ARL15: variants seen among roughly 807,000 people sequenced by gnomAD.
ARL15 encodes ARF like GTPase 15.
In ARL15, 19 loss-of-function variants were observed where a neutral mutation model predicts 25.2. That is an observed-to-expected ratio of 0.75 (90% CI 0.53 to 1.10). The LOEUF (loss-of-function observed/expected upper bound fraction) is 1.10, where lower values mean the gene tolerates loss of function less well. Ranked by LOEUF, ARL15 falls within the 50% of genes least tolerant of loss-of-function variation. The probability of loss-of-function intolerance (pLI) is 0.00; values close to 1 mark genes in which losing one functional copy is unlikely to be tolerated. For missense variants in ARL15, 220 were observed against 246.0 expected, an observed-to-expected ratio of 0.89 and a Z score of 0.71; for synonymous variants, 94 against 86.8, an observed-to-expected ratio of 1.08 and a Z score of -0.46.
In ARL15 at chr5:54,113,309, C is replaced by A; in HGVS notation, c.355G>T (p.Ala119Ser). ...AGAGCTGAGTGCAGCTCATTTCTAG[C>A]AGCTTCTAAATCATCCTCTGAAGAG... is the stretch of plus-strand genomic sequence containing the variant. ...SASSEDDLEA[A>S]RNELHSALQH... The change falls in exon 4 of 5, where the codon GCT becomes TCT. Residue 119 changes from alanine to serine, a missense_variant. Transcript: ENST00000504924. 1.2e-6 allele frequency: 2 copies of A among 1,613,948 alleles called. No homozygotes were observed. Among genetic ancestry groups the A allele is most frequent in the South Asian group, 1.1e-5 (1 of 91,086 alleles).
At chr5:54,276,385 A>G (rs147309655) in intron 1 of ARL15, among the ~76,000 whole-genome samples, 34 of 152,360 alleles carry the variant, frequency 2.2e-4, no homozygotes, top group African/African-American at 8.2e-4. Flanking sequence ...TGCTAGAACC[A>G]GTATTTGCAG....
At chr5:53,933,373 G>A (rs1172526580) in intron 4 of ARL15, among the ~76,000 whole-genome samples, 1 of 152,098 alleles carries the variant, frequency 6.6e-6, no homozygotes, top group Non-Finnish European at 1.5e-5. Context: ...AAGGCCGGGC[G>A]CGGTGGCTCA....
At chr5:54,041,743 A>C (rs1750347962) in intron 4 of ARL15, among the ~76,000 whole-genome samples, 1 of 152,242 alleles carries the variant, frequency 6.6e-6, no homozygotes, top group Non-Finnish European at 1.5e-5. Flanking sequence ...GTTGGAATTG[A>C]AAGCATCCAT....
At chr5:54,231,193 T>C (rs1756661561) in intron 1 of ARL15, among the ~76,000 whole-genome samples, 1 of 152,234 alleles carries the variant, frequency 6.6e-6, no homozygotes, top group Non-Finnish European at 1.5e-5. Context: ...GCTGCTCTGC[T>C]GTTCTCTAGT....
chr5:53,942,742 T>C (rs1314016798), intron 4 of ARL15, among the ~76,000 whole-genome samples: 1 of 152,054 alleles, frequency 6.6e-6, no homozygotes, highest in African/African-American at 2.4e-5. Context: ...CGAGACTCCA[T>C]CTCAAACAAA....
intron 1 of ARL15, among the ~76,000 whole-genome samples, chr5:54,249,250 A>G (rs1020941007): frequency 1.3e-5 from 2 of 152,188 alleles, no homozygotes; most frequent in Admixed American, 6.5e-5. Flanking sequence ...CTGAGGTAGT[A>G]GAGTCCAACT....
chr5:54,188,540 T>C (rs1755302489), intron 1 of ARL15, among the ~76,000 whole-genome samples: 1 of 125,456 alleles, frequency 8.0e-6, no homozygotes, highest in African/African-American at 3.1e-5. Flanking sequence ...TCAAGGGAAT[T>C]AGACATGGAC....
At chr5:53,939,729 G>A (rs1188585602) in intron 4 of ARL15, among the ~76,000 whole-genome samples, 3 of 150,992 alleles carry the variant, frequency 2.0e-5, no homozygotes, top group Non-Finnish European at 4.4e-5. Context: ...GCGAGACTCC[G>A]TCTCAAAAAA....
At chr5:54,140,757 T>A (rs1753753459) in intron 3 of ARL15, among the ~76,000 whole-genome samples, 1 of 152,198 alleles carries the variant, frequency 6.6e-6, no homozygotes, top group Non-Finnish European at 1.5e-5. Context: ...ACCAAAGATA[T>A]GGTCTGGATA....
At chr5:54,233,315 T>C (rs1306374300) in intron 1 of ARL15, among the ~76,000 whole-genome samples, 1 of 152,226 alleles carries the variant, frequency 6.6e-6, no homozygotes, top group Non-Finnish European at 1.5e-5. Context: ...AGGCAAACTA[T>C]AATTATTCGA....
chr5:54,065,601 G>C (rs1751204456), intron 4 of ARL15, among the ~76,000 whole-genome samples: 1 of 102,802 alleles, frequency 9.7e-6, no homozygotes, highest in South Asian at 2.9e-4. Flanking sequence ...AGGAGGTGGG[G>C]TGGTTGCAGT....
intron 1 of ARL15, among the ~76,000 whole-genome samples, chr5:54,275,755 G>T (rs1757912205): frequency 6.6e-6 from 1 of 151,544 alleles, no homozygotes; most frequent in East Asian, 1.9e-4. Flanking sequence ...TGCAATCTCG[G>T]CTTACTGCAA....
chr5:54,000,041 C>T (rs1470821732), intron 4 of ARL15, among the ~76,000 whole-genome samples: 1 of 152,140 alleles, frequency 6.6e-6, no homozygotes, highest in Non-Finnish European at 1.5e-5. Flanking sequence ...CAGTTTCACT[C>T]ATATCTATAT....
Position 54,113,370 on chromosome 5 carries a change from T to G in ARL15, c.294A>C (p.Gln98His), listed in dbSNP as rs1467640062. The change falls in exon 4 of 5, where the codon CAA becomes CAC. Residue 98 changes from glutamine (Q) to histidine (H), a missense_variant. Coordinates refer to ENST00000504924, the MANE Select transcript of ARL15 (RefSeq NM_019087.3). ...NIRKYWSRYY[Q>H]GSQGVIFVLD... ...ATACAAATATTACCCCTTGAGATCCTTGGTAGTAGCGGCTCCAGTATTTCC... is the reference window on the plus strand; with the variant it reads ...ATACAAATATTACCCCTTGAGATCCGTGGTAGTAGCGGCTCCAGTATTTCC... The G allele has an allele frequency of 6.2e-7, 1 of 1,613,968 alleles. No individual in the cohort carries two copies. The highest frequency in any genetic ancestry group is 1.1e-5 in the South Asian group (1 of 91,082).
chr5:54,150,657 G>A (rs754069799), intron 3 of ARL15, among the ~76,000 whole-genome samples: 16 of 151,974 alleles, frequency 1.1e-4, no homozygotes, highest in African/African-American at 1.7e-4. Context: ...AATTAGCGAC[G>A]TGCGGTGGCT....
chr5:54,003,137 C>T (rs1019294699), intron 4 of ARL15, among the ~76,000 whole-genome samples: 2 of 152,064 alleles, frequency 1.3e-5, no homozygotes, highest in African/African-American at 4.8e-5. Flanking sequence ...CAAATGGGCT[C>T]CCAGGGTAAC....
chr5:53,917,349 C>A (rs893286340), intron 4 of ARL15, among the ~76,000 whole-genome samples: 1 of 152,188 alleles, frequency 6.6e-6, no homozygotes, highest in Non-Finnish European at 1.5e-5. Context: ...TTGGCTCAAG[C>A]CTGGATGGGC....
chr5:53,921,307 T>C (rs1288068599), intron 4 of ARL15, among the ~76,000 whole-genome samples: 1 of 152,228 alleles, frequency 6.6e-6, no homozygotes, highest in Non-Finnish European at 1.5e-5. Flanking sequence ...TTAGGACCCA[T>C]GTTCTTACCT....
chr5:54,091,759 G>A (rs1752134560), intron 4 of ARL15, among the ~76,000 whole-genome samples: 1 of 151,112 alleles, frequency 6.6e-6, no homozygotes, highest in African/African-American at 2.4e-5. Flanking sequence ...CAAGACTTGA[G>A]ATGAAGAGAT....
Sources: gnomAD v4.1 joint callset for allele counts (sites outside exome capture counted in the v4.1 genomes callset) on GRCh38, gnomAD v4.1.1 for gene constraint, MANE v1.5 for transcripts, NCBI Gene and HGNC (gene_info 2026-07-23, HGNC 2026-07-21) for gene names.